The following RASSF6 variants were observed in gnomAD, a reference collection of about 807,000 sequenced individuals.
RASSF6 encodes the protein ras association domain-containing protein 6.
In RASSF6, 52 loss-of-function variants were observed where a neutral mutation model predicts 44.0. The ratio of observed to expected loss-of-function variants is 1.18; its 90% CI spans 0.95 to 1.49. The LOEUF is 1.49. Among genes scored for constraint, RASSF6 ranks in the 40% most tolerant of loss-of-function variants. The pLI, the probability that RASSF6 is intolerant of heterozygous loss-of-function variation, is 0.00. For synonymous variants in RASSF6, 162 were observed against 124.6 expected, an observed-to-expected ratio of 1.30 and a Z score of -2.00; for missense variants, 464 against 393.3, an observed-to-expected ratio of 1.18 and a Z score of -1.52.
intron 3 of RASSF6, among the ~76,000 whole-genome samples, chr4:73,597,232 G>C (rs1682017256): frequency 6.6e-6 from 1 of 152,140 alleles, no homozygotes; most frequent in African/African-American, 2.4e-5. Flanking sequence ...ATCTGACAAA[G>C]ATCTAACATT....
In RASSF6 at chr4:73,576,172, C is replaced by A; in HGVS notation, c.*63G>T. Reference sequence around the variant, plus strand: ...TATAAATGCAAGTACAGAACTTATGCATTCATCAAAGAGTAATATCTCTGA... The same window carrying A: ...TATAAATGCAAGTACAGAACTTATGAATTCATCAAAGAGTAATATCTCTGA... On this transcript the variant is annotated 3_prime_UTR_variant, in exon 11 of 11. Coordinates refer to ENST00000307439, the MANE Select transcript of RASSF6 (RefSeq NM_177532.5). 1.2e-6 allele frequency: 1 copy of A among 844,822 alleles called. No individual in the cohort carries two copies. Among genetic ancestry groups the A allele is most frequent in the Non-Finnish European group, 1.9e-6 (1 of 523,544 alleles). The allele number at this position is 844,822 out of a possible 1,614,324, so 52.3% of individuals were successfully genotyped here.
intron 6 of RASSF6, among the ~76,000 whole-genome samples, chr4:73,584,924 A>G (rs899703495): frequency 5.9e-5 from 9 of 152,100 alleles, no homozygotes; most frequent in African/African-American, 1.9e-4. Context: ...ATAAGCCTCA[A>G]TTAGCTTATA....
chr4:73,598,371 A>G (rs760226057), intron 3 of RASSF6, among the ~76,000 whole-genome samples: 21 of 152,250 alleles, frequency 1.4e-4, no homozygotes, highest in Non-Finnish European at 2.9e-5. Context: ...ACGCATTTGT[A>G]AGAAAGTATT....
chr4:73,589,798 T>A (rs1724388339), intron 4 of RASSF6, among the ~76,000 whole-genome samples: 1 of 152,124 alleles, frequency 6.6e-6, no homozygotes, highest in African/African-American at 2.4e-5. Flanking sequence ...AAGTTCAGGA[T>A]GTATATCATT....
chr4:73,610,746 T>G (rs1214571480), intron 2 of RASSF6, among the ~76,000 whole-genome samples: 2 of 152,200 alleles, frequency 1.3e-5, no homozygotes, highest in Non-Finnish European at 2.9e-5. Flanking sequence ...GCTCTCTATC[T>G]CTAGCACTCT....
intron 1 of RASSF6, 91 bp downstream of exon 1, chr4:73,620,197 T>C (rs1247592): frequency 1 from 776,830 of 779,796 alleles, 386,990 homozygotes; most frequent in East Asian, 1. Flanking sequence ...CTTAACTTTG[T>C]TGCCTATGGA....
At chr4:73,603,785 G>T (rs1422644500) in intron 2 of RASSF6, among the ~76,000 whole-genome samples, 2 of 152,178 alleles carry the variant, frequency 1.3e-5, no homozygotes, top group Non-Finnish European at 2.9e-5. Flanking sequence ...AGGATTATGG[G>T]TGGAAGTGAA....
In RASSF6 at chr4:73,573,563, A is replaced by G. The variant is rs529796526; in HGVS notation, c.*2672T>C. 1 of 152,202 alleles carries G rather than the reference A, an allele frequency of 6.6e-6. No individual in the cohort carries two copies. Among genetic ancestry groups the G allele is most frequent in the Non-Finnish European group, 1.5e-5 (1 of 68,028 alleles). 9.4% of individuals were successfully genotyped at this position (152,202 alleles called of 1,614,324 possible). The stretch of plus-strand genomic sequence containing the variant: ...TCTCTGGTTATTTTCATATGATAGG[A>G]TCTTACAAGTAGAATTATAGGATAA... On this transcript the variant is annotated 3_prime_UTR_variant, in exon 11 of 11. Coordinates refer to ENST00000307439, the MANE Select transcript of RASSF6 (RefSeq NM_177532.5).
At chr4:73,589,757 C>A (rs7680894) in intron 4 of RASSF6, among the ~76,000 whole-genome samples, 4,423 of 152,036 alleles carry the variant, frequency 0.029, 86 homozygotes, top group South Asian at 0.06. Context: ...GTTTAACTTG[C>A]CCAAACATGG....
chr4:73,585,100 G>A, intron 6 of RASSF6, 80 bp downstream of exon 6: 1 of 962,794 alleles, frequency 1.0e-6, no homozygotes, highest in Non-Finnish European at 1.5e-6. Context: ...ACTTTAAATT[G>A]TGAATTGAAT....
intron 4 of RASSF6, among the ~76,000 whole-genome samples, chr4:73,588,783 G>GTCATCATCATCA (rs71217483): frequency 0.1 from 15,149 of 148,560 alleles, 910 homozygotes; most frequent in Non-Finnish European, 0.14. Context: ...CATCTCCATT[G>GTCATCATCATCA]TCATCATCAT....
chr4:73,593,368 G>A (rs545981799), intron 4 of RASSF6, 83 bp downstream of exon 4: 3 of 1,306,136 alleles, frequency 2.3e-6, no homozygotes, highest in Middle Eastern at 2.0e-4. Context: ...ACAAGCTTAA[G>A]TTTCCCTCCT....
At chr4:73,588,783 G>GTCATCA (rs71217483) in intron 4 of RASSF6, among the ~76,000 whole-genome samples, 29,062 of 148,236 alleles carry the variant, frequency 0.2, 3,738 homozygotes, top group African/African-American at 0.36. Flanking sequence ...CATCTCCATT[G>GTCATCA]TCATCATCAT....
chr4:73,585,272 G>A lies in RASSF6; in HGVS notation c.475C>T (p.Leu159=). The A allele has an allele frequency of 6.2e-7, 1 of 1,612,604 alleles. No individual in the cohort carries two copies. The highest frequency in any genetic ancestry group is 1.3e-5 in the African/African-American group (1 of 74,892). Residue 159 remains leucine (L), a synonymous_variant, in exon 6 of 11, where the codon CTG becomes TTG. Coordinates refer to ENST00000307439, the MANE Select transcript of RASSF6 (RefSeq NM_177532.5). ...AGAGGCTTCATCCTTTTTCTCACCA[G>A]AGCTGCTTCACTCATGGTTCTATAG... ...VLYRTMSEAA[L]VRKRMKPLMM...
At chr4:73,610,743 A>G (rs975229856) in intron 2 of RASSF6, among the ~76,000 whole-genome samples, 2 of 152,176 alleles carry the variant, frequency 1.3e-5, no homozygotes, top group African/African-American at 4.8e-5. Flanking sequence ...TCCGCTCTCT[A>G]TCTCTAGCAC....
intron 2 of RASSF6, among the ~76,000 whole-genome samples, chr4:73,608,937 T>C (rs1430021026): frequency 6.6e-6 from 1 of 152,246 alleles, no homozygotes; most frequent in African/African-American, 2.4e-5. Context: ...AGGTGGCTGG[T>C]TCCTTTGTTT....
At chr4:73,614,120 C>A (rs576209055) in intron 1 of RASSF6, among the ~76,000 whole-genome samples, 11 of 152,320 alleles carry the variant, frequency 7.2e-5, no homozygotes, top group Non-Finnish European at 1.3e-4. Context: ...TTCCCTCTTT[C>A]ATCATAAGCC....
chr4:73,594,402 T>G (rs1724793115), intron 3 of RASSF6, among the ~76,000 whole-genome samples: 1 of 152,198 alleles, frequency 6.6e-6, no homozygotes, highest in Non-Finnish European at 1.5e-5. Context: ...AACACTCAAT[T>G]CTTATTTGAG....
At chr4:73,584,498 C>A (rs1379112749) in intron 6 of RASSF6, among the ~76,000 whole-genome samples, 1 of 152,078 alleles carries the variant, frequency 6.6e-6, no homozygotes, top group Non-Finnish European at 1.5e-5. Flanking sequence ...AGTGAAAAAG[C>A]AGAATGTGAA....
Sources: gnomAD v4.1 joint callset for allele counts (sites outside exome capture counted in the v4.1 genomes callset) on GRCh38, gnomAD v4.1.1 for gene constraint, MANE v1.5 for transcripts, NCBI Gene and HGNC (gene_info 2026-07-23, HGNC 2026-07-21) for gene names.